FRAS1: variants seen among roughly 807,000 people sequenced by gnomAD.
FRAS1 encodes the protein Fraser extracellular matrix complex subunit 1.
A neutral mutation model predicts 435.2 loss-of-function variants in FRAS1; 290 were observed. The observed-to-expected ratio is 0.67, with a 90% CI of 0.61 to 0.73. The LOEUF (loss-of-function observed/expected upper bound fraction) is 0.73. Ranked by LOEUF, FRAS1 falls within the 30% of genes least tolerant of loss-of-function variation. FRAS1 has a pLI of 0.00. For missense variants in FRAS1, 4,860 were observed against 5,001.5 expected, an observed-to-expected ratio of 0.97 and a Z score of 0.85; for synonymous variants, 1,800 against 1,851.0, an observed-to-expected ratio of 0.97 and a Z score of 0.71.
intron 2 of FRAS1, among the ~76,000 whole-genome samples, chr4:78,118,550 T>A (rs1560532704): frequency 6.6e-6 from 1 of 152,170 alleles, no homozygotes; most frequent in Non-Finnish European, 1.5e-5. Flanking sequence ...CACTGCCGCC[T>A]TGCAGTTTGA....
In FRAS1 at chr4:78,088,387, A is replaced by T. The variant is rs533921297; in HGVS notation, c.108+22371A>T. 2.8e-3 allele frequency among the ~76,000 whole-genome samples: 432 copies of T among 152,294 alleles called. 1 individual carries two copies. The highest frequency in any genetic ancestry group is 9.7e-3 in the African/African-American group (404 of 41,564). On this transcript the variant is annotated intron_variant, in intron 2 of 73. Coordinates refer to ENST00000512123, the MANE Select transcript of FRAS1 (RefSeq NM_025074.7). Reference sequence around the variant, plus strand: ...GCATGGGCAAGGACTTCATGTCTAAAACACCAAAAGCAATGGCCACAAAAG... The same window carrying T: ...GCATGGGCAAGGACTTCATGTCTAATACACCAAAAGCAATGGCCACAAAAG...
Position 78,379,919 on chromosome 4 carries a change from G to A in FRAS1, c.3486G>A (p.Leu1162=). Reference sequence around the variant, plus strand: ...CAAGAAATGGAAAAGAGGTTCAGCTGGACAAGGCTGGCCGTTTTAGCTGGA... The same window carrying A: ...CAAGAAATGGAAAAGAGGTTCAGCTAGACAAGGCTGGCCGTTTTAGCTGGA... ...VLSRNGKEVQ[L]DKAGRFSWKD... is the part of the protein sequence containing the mutation. Residue 1162 remains leucine (L), a synonymous_variant, in exon 27 of 74, where the codon CTG becomes CTA. Coordinates refer to ENST00000512123, the MANE Select transcript of FRAS1 (RefSeq NM_025074.7). 6.2e-7 allele frequency: 1 copy of A among 1,613,876 alleles called. No homozygotes were observed. Among genetic ancestry groups the A allele is most frequent in the South Asian group, 1.1e-5 (1 of 91,060 alleles).
chr4:78,379,765 T>C lies in FRAS1; in HGVS notation c.3332T>C (p.Leu1111Pro), dbSNP rs1338776415. 6.2e-7 allele frequency: 1 copy of C among 1,613,722 alleles called. No individual in the cohort carries two copies. Among genetic ancestry groups the C allele is most frequent in the Non-Finnish European group, 8.5e-7 (1 of 1,179,780 alleles). Residue 1111 changes from leucine (L) to proline (P), a missense_variant, in exon 27 of 74, where the codon CTG becomes CCG. Physicochemically the swap from Leu to Pro is moderately conservative, Grantham distance 98. Coordinates refer to ENST00000512123, the MANE Select transcript of FRAS1 (RefSeq NM_025074.7). The part of the protein sequence containing the change: ...HTPSLHVNGS[L>P]ILPIGSIKPL... ...CCTAGTCTTCATGTGAATGGTTCCC[T>C]GATCCTCCCAATTGGTTCAATAAAG...
rs139355713 is a variant in FRAS1 at position 78,438,960 on chromosome 4, G to A, written c.5425G>A (p.Val1809Ile). ...HLVTDSFYFSVSDMDHNHLDN... is the reference protein window; with the variant it reads ...HLVTDSFYFSISDMDHNHLDN... Reference sequence around the variant, plus strand: ...GGTTACTGATAGCTTCTATTTCTCTGTCTCTGACATGGACCACAACCATCT... The same window carrying A: ...GGTTACTGATAGCTTCTATTTCTCTATCTCTGACATGGACCACAACCATCT... The change falls in exon 40 of 74, where the codon GTC becomes ATC. Residue 1809 changes from valine to isoleucine, a missense_variant. Val to Ile is a conservative substitution (Grantham distance 29). Transcript: ENST00000512123. The A allele has an allele frequency of 1.9e-6, 3 of 1,613,106 alleles. No homozygotes were observed. The highest frequency in any genetic ancestry group is 1.3e-5 in the African/African-American group (1 of 74,964).
At chr4:78,363,073 C>T (rs1731136428) in intron 20 of FRAS1, among the ~76,000 whole-genome samples, 1 of 152,094 alleles carries the variant, frequency 6.6e-6, no homozygotes, top group South Asian at 2.1e-4. Flanking sequence ...TCACCAGGGA[C>T]TCACCCGCCC....
chr4:78,448,938 A>G (rs1214474041), intron 44 of FRAS1, among the ~76,000 whole-genome samples: 1 of 152,120 alleles, frequency 6.6e-6, no homozygotes, highest in African/African-American at 2.4e-5. Flanking sequence ...GCATCTTACT[A>G]GAGTTCTGTT....
At chr4:78,400,713 T>A in intron 29 of FRAS1, 21 bp from the exon 30 acceptor site, 1 of 1,607,744 alleles carries the variant, frequency 6.2e-7, no homozygotes, top group Non-Finnish European at 8.5e-7. Context: ...GAACTAATTC[T>A]GCATTTTATT....
At chr4:78,488,789 T>C in intron 58 of FRAS1, 86 bp from the exon 59 acceptor site, 1 of 1,272,626 alleles carries the variant, frequency 7.9e-7, no homozygotes, top group Admixed American at 2.2e-5. Flanking sequence ...CCTGCCAAAA[T>C]AGCTGCTGAA....
At chr4:78,235,210 C>T (rs940638859) in intron 2 of FRAS1, among the ~76,000 whole-genome samples, 2 of 152,294 alleles carry the variant, frequency 1.3e-5, no homozygotes, top group Non-Finnish European at 2.9e-5. Flanking sequence ...TGGTACTCTC[C>T]TCTACAAAGT....
At chr4:78,198,934 CTG>C (rs1374141384) in intron 2 of FRAS1, among the ~76,000 whole-genome samples, 2 of 152,078 alleles carry the variant, frequency 1.3e-5, no homozygotes, top group African/African-American at 2.4e-5. Context: ...TGTTAATTGA[CTG>C]TTTATATTAT....
intron 2 of FRAS1, among the ~76,000 whole-genome samples, chr4:78,145,242 T>G (rs1720368023): frequency 6.6e-6 from 1 of 152,140 alleles, no homozygotes; most frequent in African/African-American, 2.4e-5. Context: ...GTGAGGACTT[T>G]GCAGTACGCC....
chr4:78,093,719 A>T (rs1358021758), intron 2 of FRAS1, among the ~76,000 whole-genome samples: 1 of 152,230 alleles, frequency 6.6e-6, no homozygotes, highest in Non-Finnish European at 1.5e-5. Context: ...ATCTGAAGAT[A>T]CAAAGCCAGT....
intron 2 of FRAS1, among the ~76,000 whole-genome samples, chr4:78,145,260 A>T (rs1720368872): frequency 6.6e-6 from 1 of 152,112 alleles, no homozygotes; most frequent in African/African-American, 2.4e-5. Context: ...GCCTTACTCT[A>T]GGTAGGCCAC....
intron 20 of FRAS1, among the ~76,000 whole-genome samples, chr4:78,344,709 G>A (rs930794254): frequency 2.6e-5 from 4 of 152,164 alleles, no homozygotes; most frequent in South Asian, 4.2e-4. Flanking sequence ...AACATTGCAC[G>A]AACTTGCTGG....
chr4:78,345,235 C>T (rs1730562405), intron 20 of FRAS1, among the ~76,000 whole-genome samples: 1 of 152,156 alleles, frequency 6.6e-6, no homozygotes, highest in South Asian at 2.1e-4. Flanking sequence ...TATGGATCTC[C>T]TTTAATCATC....
intron 2 of FRAS1, among the ~76,000 whole-genome samples, chr4:78,098,276 C>CTTTT (rs5859606): frequency 1.5e-5 from 2 of 132,768 alleles, no homozygotes; most frequent in Non-Finnish European, 3.2e-5. Context: ...TAGATCTTTT[C>CTTTT]TTTTTTTTTT....
intron 2 of FRAS1, among the ~76,000 whole-genome samples, chr4:78,122,344 T>G (rs1036199626): frequency 5.3e-5 from 8 of 152,236 alleles, no homozygotes; most frequent in Admixed American, 1.3e-4. Context: ...CTATGGTGTA[T>G]ATGTGCCACA....
intron 70 of FRAS1, 124 bp downstream of exon 70, chr4:78,526,781 A>G (rs1721546876): frequency 3.2e-6 from 2 of 626,728 alleles, no homozygotes; most frequent in Admixed American, 3.6e-5. Flanking sequence ...ACTGACATGC[A>G]CAGCAGAGTC....
At chr4:78,292,269 T>C (rs1560631922) in intron 14 of FRAS1, among the ~76,000 whole-genome samples, 1 of 152,232 alleles carries the variant, frequency 6.6e-6, no homozygotes, top group Non-Finnish European at 1.5e-5. Flanking sequence ...GTATTCTTTA[T>C]AGCAAATTAA....
Sources: gnomAD v4.1 joint callset for allele counts (sites outside exome capture counted in the v4.1 genomes callset) on GRCh38, gnomAD v4.1.1 for gene constraint, MANE v1.5 for transcripts, NCBI Gene and HGNC (gene_info 2026-07-23, HGNC 2026-07-21) for gene names.